BCHE: variants seen among roughly 807,000 people sequenced by gnomAD.
BCHE encodes cholinesterase.
A neutral mutation model predicts 51.3 loss-of-function variants in BCHE; 48 were observed. That is an observed-to-expected ratio of 0.94 (90% confidence interval 0.74 to 1.19). The LOEUF (loss-of-function observed/expected upper bound fraction) is 1.19. Ranked by LOEUF, BCHE falls within the 50% of genes most tolerant of loss-of-function variation. BCHE has a pLI of 0.00. For synonymous variants in BCHE, 251 were observed against 238.0 expected, an observed-to-expected ratio of 1.05 and a Z score of -0.50; for missense variants, 847 against 708.2, an observed-to-expected ratio of 1.20 and a Z score of -2.23.
chr3:165,806,822 G>T (rs1713884059), intron 2 of BCHE, among the ~76,000 whole-genome samples: 1 of 151,844 alleles, frequency 6.6e-6, no homozygotes, highest in South Asian at 2.1e-4. Context: ...GGCCATATTT[G>T]GTTCTCTTTA....
At chr3:165,781,589 C>T (rs574433850) in intron 3 of BCHE, among the ~76,000 whole-genome samples, 5 of 146,174 alleles carry the variant, frequency 3.4e-5, no homozygotes, top group African/African-American at 1.3e-4. Context: ...TGGGGCCAGT[C>T]GGGGGTGGAG....
intron 2 of BCHE, among the ~76,000 whole-genome samples, chr3:165,790,812 C>A (rs1004012593): frequency 7.1e-6 from 1 of 141,518 alleles, no homozygotes; most frequent in Non-Finnish European, 1.6e-5. Context: ...GAGAAAAACA[C>A]GTGCTTAGAG....
intron 3 of BCHE, among the ~76,000 whole-genome samples, chr3:165,776,958 A>C (rs760410863): frequency 2.0e-5 from 3 of 151,808 alleles, no homozygotes; most frequent in Non-Finnish European, 4.4e-5. Flanking sequence ...TACATGTAAA[A>C]TACGGTAATA....
chr3:165,778,672 G>C, intron 3 of BCHE: 1 of 452,960 alleles, frequency 2.2e-6, no homozygotes, highest in South Asian at 1.6e-5. Flanking sequence ...AGCAGACCCT[G>C]TCATTTTCAT....
In BCHE at chr3:165,830,339, A is replaced by T. The variant is rs1714916354; in HGVS notation, c.695T>A (p.Val232Asp). The T allele has an allele frequency of 1.2e-6, 2 of 1,614,020 alleles. No individual in the cohort carries two copies. The highest frequency in any genetic ancestry group is 1.7e-6 in the Non-Finnish European group (2 of 1,179,946). Residue 232 changes from valine to aspartate, a missense_variant, in exon 2 of 4, where the codon GTT (valine) becomes GAT (aspartate). Transcript: ENST00000264381. ...LFGESAGAAS[V>D]SLHLLSPGSH... Reference sequence around the variant, plus strand: ...TCCAGGAGAAAGCAAATGCAGGCTAACTGAAGCTGCTCCTGCACTTTCTCC... The same window carrying T: ...TCCAGGAGAAAGCAAATGCAGGCTATCTGAAGCTGCTCCTGCACTTTCTCC...
chr3:165,788,193 G>A (rs1713029962), intron 2 of BCHE, among the ~76,000 whole-genome samples: 1 of 151,948 alleles, frequency 6.6e-6, no homozygotes, highest in South Asian at 2.1e-4. Context: ...CATTCATCCA[G>A]TATGGTTATC....
In BCHE at chr3:165,773,250, G is replaced by T; in HGVS notation, c.*132C>A. 1 of 793,872 alleles carries T rather than the reference G, an allele frequency of 1.3e-6. No individual in the cohort carries two copies. The highest frequency in any genetic ancestry group is 2.0e-6 in the Non-Finnish European group (1 of 504,354). The allele number at this position is 793,872 out of a possible 1,614,324, so 49.2% of individuals were successfully genotyped here. On this transcript the variant is annotated 3_prime_UTR_variant, in exon 4 of 4. Coordinates refer to ENST00000264381, the MANE Select transcript of BCHE (RefSeq NM_000055.4). ...TAAAATACTAAGTTAAAGATGTGAG[G>T]AATCAATATTATCCTTCTGGCATTT...
At chr3:165,790,314 T>TACTCCATGAGCTTCTTAGATG (rs1713119207) in intron 2 of BCHE, among the ~76,000 whole-genome samples, 2 of 151,934 alleles carry the variant, frequency 1.3e-5, no homozygotes, top group Non-Finnish European at 2.9e-5. Context: ...CTTCTTAGAT[T>TACTCCATGAGCTTCTTAGATG]GGCAATACTC....
chr3:165,779,210 A>G (rs949419250), intron 3 of BCHE, among the ~76,000 whole-genome samples: 2 of 152,150 alleles, frequency 1.3e-5, no homozygotes, highest in African/African-American at 4.8e-5. Context: ...ATGGCCTTCA[A>G]TGAAATTCAA....
rs1394612957 is a variant in BCHE, at chr3:165,830,411, T to G, written c.623A>C (p.Lys208Thr). 2.5e-6 allele frequency: 4 copies of G among 1,613,836 alleles called. No individual in the cohort carries two copies. The East Asian group carries it at 8.9e-5, about 36-fold the overall frequency. Reference protein sequence around the residue: ...DQQLALQWVQKNIAAFGGNPK... With the variant: ...DQQLALQWVQTNIAAFGGNPK... ...ATTTCCACCAAAGGCTGCTATATTT[T>G]TTTGAACCCACTGAAGAGCCAACTG... The change falls in exon 2 of 4, where the codon AAA becomes ACA. Residue 208 changes from lysine to threonine, a missense_variant. Physicochemically the swap from Lys to Thr is moderately conservative, Grantham distance 78. Transcript: ENST00000264381.
At position 165,830,845 on chromosome 3, in the gene BCHE, C is replaced by G. The variant is rs1426831072; in HGVS notation, c.189G>C (p.Gln63His). The change falls in exon 2 of 4, where the codon CAG (glutamine) becomes CAC (histidine). Residue 63 changes from glutamine to histidine, a missense_variant. By Grantham distance (24) the Gln-to-His change is conservative. Transcript: ENST00000264381. ...TGAATCGAAGTCTACCAAGAGGTGG[C>G]TGTGCATAGGGAATTCCAAGAAAGG... is the stretch of plus-strand genomic sequence containing the variant. ...VTAFLGIPYA[Q>H]PPLGRLRFKK... 6.2e-7 allele frequency: 1 copy of G among 1,613,932 alleles called. No homozygotes were observed. Among genetic ancestry groups the G allele is most frequent in the Non-Finnish European group, 8.5e-7 (1 of 1,179,922 alleles).
intron 3 of BCHE, among the ~76,000 whole-genome samples, chr3:165,776,481 G>T (rs1712475942): frequency 6.6e-6 from 1 of 151,644 alleles, no homozygotes; most frequent in Non-Finnish European, 1.5e-5. Flanking sequence ...TTTTTTATGA[G>T]AAAGGGAAAA....
intron 2 of BCHE, among the ~76,000 whole-genome samples, chr3:165,822,971 A>G (rs1008894050): frequency 1.3e-5 from 2 of 151,958 alleles, no homozygotes; most frequent in African/African-American, 4.8e-5. Flanking sequence ...TTGTACTGAT[A>G]TTTTCACATA....
chr3:165,778,378 C>G (rs1401455804), intron 3 of BCHE: 1 of 167,592 alleles, frequency 6.0e-6, no homozygotes, highest in African/African-American at 2.4e-5. Flanking sequence ...AATCTAGACT[C>G]TAAGAAGACA....
chr3:165,834,172 A>G (rs567407521), intron 1 of BCHE, among the ~76,000 whole-genome samples: 76 of 151,826 alleles, frequency 5.0e-4, no homozygotes, highest in African/African-American at 1.8e-3. Flanking sequence ...TATGTTAAAC[A>G]GTTGCTATAA....
At chr3:165,785,133 C>T (rs1036504915) in intron 3 of BCHE, among the ~76,000 whole-genome samples, 4 of 151,826 alleles carry the variant, frequency 2.6e-5, no homozygotes, top group Non-Finnish European at 5.9e-5. Context: ...CAATCAAATA[C>T]AGCTCTGAGA....
At chr3:165,783,377 T>C (rs1337951807) in intron 3 of BCHE, among the ~76,000 whole-genome samples, 1 of 152,142 alleles carries the variant, frequency 6.6e-6, no homozygotes, top group Non-Finnish European at 1.5e-5. Flanking sequence ...ATTAAGTTAT[T>C]CGAAGCCACT....
intron 2 of BCHE, among the ~76,000 whole-genome samples, chr3:165,793,613 C>G (rs1026169437): frequency 3.3e-5 from 5 of 152,184 alleles, no homozygotes. Flanking sequence ...TTAAAAACTA[C>G]TACCACATGG....
At chr3:165,776,815 A>G (rs566187128) in intron 3 of BCHE, among the ~76,000 whole-genome samples, 4 of 151,798 alleles carry the variant, frequency 2.6e-5, no homozygotes, top group Non-Finnish European at 5.9e-5. Context: ...GAGAGTAAAT[A>G]TAAAGTCCTC....
Sources: gnomAD v4.1 joint callset for allele counts (sites outside exome capture counted in the v4.1 genomes callset) on GRCh38, gnomAD v4.1.1 for gene constraint, MANE v1.5 for transcripts, NCBI Gene and HGNC (gene_info 2026-07-23, HGNC 2026-07-21) for gene names.